The following C3 variants were observed in gnomAD, a reference collection of about 807,000 sequenced individuals.
The protein encoded by C3 is complement C3, also known as C3 and PZP-like alpha-2-macroglobulin domain-containing protein 1.
Under a neutral mutation model 207.9 loss-of-function variants are expected in C3, and 97 were observed. The ratio of observed to expected loss-of-function variants is 0.47; its 90% CI spans 0.40 to 0.55. The LOEUF is 0.55. Ranked by LOEUF, C3 falls within the 20% of genes least tolerant of loss-of-function variation. The probability of loss-of-function intolerance (pLI) is 0.00; values close to 1 mark genes in which losing one functional copy is unlikely to be tolerated. For missense variants in C3, 1,684 were observed against 2,171.7 expected (o/e 0.78, Z 4.46); for synonymous variants, 848 against 857.6 (o/e 0.99, Z 0.20).
intron 13 of C3, 119 bp downstream of exon 13, chr19:6,710,516 AAGAG>A (rs1179588888): frequency 1.2e-5 from 9 of 740,228 alleles, no homozygotes; most frequent in South Asian, 1.1e-4. Context: ...AGAGGAAGAG[AAGAG>A]AGAGAAAGGA....
chr19:6,699,874 A>G (rs1159130234), intron 19 of C3, among the ~76,000 whole-genome samples: 1 of 151,328 alleles, frequency 6.6e-6, no homozygotes, highest in Non-Finnish European at 1.5e-5. Context: ...TTTTGGGTAT[A>G]TTTAAATTAA....
At chr19:6,704,821 C>T (rs1176952558) in intron 17 of C3, among the ~76,000 whole-genome samples, 4 of 151,856 alleles carry the variant, frequency 2.6e-5, no homozygotes, top group Non-Finnish European at 4.4e-5. Flanking sequence ...TCGCTTGAAC[C>T]CATGAGGTGG....
chr19:6,682,962 A>G (rs1917901182), intron 33 of C3: 1 of 153,932 alleles, frequency 6.5e-6, no homozygotes, highest in South Asian at 2.0e-4. Context: ...GGAGTTATCA[A>G]AGAATAGCAG....
chr19:6,694,365 G>A (rs758779927), intron 24 of C3, 66 bp downstream of exon 24: 167 of 1,428,802 alleles, frequency 1.2e-4, no homozygotes, highest in Non-Finnish European at 1.5e-4. Flanking sequence ...GATGAGGTGG[G>A]ATCTTAGGGG....
chr19:6,682,352 G>A, intron 33 of C3, 123 bp from the exon 34 acceptor site: 2 of 744,862 alleles, frequency 2.7e-6, no homozygotes, highest in Non-Finnish European at 4.9e-6. Context: ...AGCACAGAGG[G>A]GCGTTACATT....
At position 6,682,213 on chromosome 19, in the gene C3, C is replaced by G. The variant is rs1317461446; in HGVS notation, c.4189G>C (p.Asp1397His). 2 of 1,613,864 alleles carry G rather than the reference C, an allele frequency of 1.2e-6. No homozygotes were observed. The highest frequency in any genetic ancestry group is 1.7e-6 in the Non-Finnish European group (2 of 1,179,730). The change falls in exon 34 of 41, where the codon GAT (aspartate) becomes CAT (histidine). Residue 1397 changes from aspartate (D) to histidine (H), a missense_variant. By Grantham distance (81) the Asp-to-His change is moderately conservative (BLOSUM62 -1). Coordinates refer to ENST00000245907, the MANE Select transcript of C3 (RefSeq NM_000064.4). ...EICTRYRGDQ[D>H]ATMSILDISM... ...ATGTCCAATATAGACATAGTGGCAT[C>G]CTGGTCTCCCCGGTACCTGGATAGT...
chr19:6,718,172 G>GAGACAAAGAGGCCTCGTGAGACCCT lies in C3; in HGVS notation c.434-33_434-9dup. 6.2e-7 allele frequency: 1 copy of GAGACAAAGAGGCCTCGTGAGACCCT among 1,614,198 alleles called. No homozygotes were observed. Among genetic ancestry groups the GAGACAAAGAGGCCTCGTGAGACCCT allele is most frequent in the Non-Finnish European group, 8.5e-7 (1 of 1,180,044 alleles). The stretch of plus-strand genomic sequence containing the variant: ...TGAAGATCCGATAGAGAACTGGGGA[G>GAGACAAAGAGGCCTCGTGAGACCCT]AGACAAAGAGGCCTCGTGAGACCCT... On this transcript the variant is annotated splice_polypyrimidine_tract_variant and intron_variant, in intron 3 of 40. Coordinates refer to ENST00000245907, the MANE Select transcript of C3 (RefSeq NM_000064.4).
At position 6,697,502 on chromosome 19, in the gene C3, T is replaced by C; in HGVS notation, c.2638A>G (p.Arg880Gly). The C allele has an allele frequency of 6.2e-7, 1 of 1,613,628 alleles. No individual in the cohort carries two copies. The change falls in exon 21 of 41, where the codon AGG becomes GGG. Residue 880 changes from arginine to glycine, a missense_variant. Coordinates refer to ENST00000245907, the MANE Select transcript of C3 (RefSeq NM_000064.4). The stretch of plus-strand genomic sequence containing the variant: ...ATGGTTACGGTCTGCTGGTGACGCC[T>C]CTTGGTGGTGGCCAGGCTGCAGAAG... ...PAFCSLATTK[R>G]RHQQTVTIPP...
At chr19:6,717,800 T>C (rs1263823179) in intron 4 of C3, 2 of 550,860 alleles carry the variant, frequency 3.6e-6, no homozygotes, top group Admixed American at 5.9e-5. Flanking sequence ...TTGTGTTGTG[T>C]GTGTTGTGTG....
chr19:6,684,418 T>G lies in C3; in HGVS notation c.4142A>C (p.Lys1381Thr). 6.2e-7 allele frequency: 1 copy of G among 1,614,052 alleles called. No homozygotes were observed. Residue 1381 changes from lysine (K) to threonine (T), a missense_variant, in exon 33 of 41, where the codon AAG becomes ACG. Coordinates refer to ENST00000245907, the MANE Select transcript of C3 (RefSeq NM_000064.4). The part of the protein sequence containing the change: ...PETEKRPQDA[K>T]NTMILEICTR... Reference sequence around the variant, plus strand: ...ACAGATCTCAAGGATCATAGTGTTCTTGGCATCCTGAGGCCTCTTTTCTAG... The same window carrying G: ...ACAGATCTCAAGGATCATAGTGTTCGTGGCATCCTGAGGCCTCTTTTCTAG...
intron 23 of C3, 26 bp from the exon 24 acceptor site, chr19:6,694,660 G>C: frequency 6.2e-7 from 1 of 1,602,572 alleles, no homozygotes; most frequent in Non-Finnish European, 8.5e-7. Context: ...AGAGGACGTT[G>C]CTCAAGCCAG....
chr19:6,709,570 CTGCTTTCAGCGCA>C (rs1967859585), intron 14 of C3, 101 bp downstream of exon 14: 1 of 1,205,050 alleles, frequency 8.3e-7, no homozygotes, highest in African/African-American at 1.5e-5. Flanking sequence ...GCTCCGATCT[CTGCTTTCAGCGCA>C]TGCCCCCCAC....
intron 27 of C3, among the ~76,000 whole-genome samples, chr19:6,688,651 T>C (rs891832465): frequency 1.3e-5 from 2 of 152,142 alleles, no homozygotes; most frequent in Non-Finnish European, 1.5e-5. Flanking sequence ...TCTTGAGTAG[T>C]TGGGATTACA....
chr19:6,712,169 T>G, intron 11 of C3, 88 bp downstream of exon 11: 2 of 1,526,726 alleles, frequency 1.3e-6, no homozygotes, highest in East Asian at 2.2e-5. Context: ...AATATCTGTA[T>G]GCAAATGACA....
At position 6,686,539 on chromosome 19, in the gene C3, C is replaced by A. The variant is rs1040131090; in HGVS notation, c.3646+207G>T. 18 of 737,838 alleles carry A rather than the reference C, an allele frequency of 2.4e-5. No individual in the cohort carries two copies. The Middle Eastern group carries it at 1.9e-3, about 79-fold the overall frequency. The allele number at this position is 737,838 out of a possible 1,614,324, so 45.7% of individuals were successfully genotyped here. ...GCAACAAACTTTCTCGTGTGGTTTA[C>A]AATGAGGACCTGCGAAAACTTAGAG... is the stretch of plus-strand genomic sequence containing the variant. On this transcript the variant is annotated intron_variant, in intron 28 of 40. Coordinates refer to ENST00000245907, the MANE Select transcript of C3 (RefSeq NM_000064.4).
intron 23 of C3, among the ~76,000 whole-genome samples, chr19:6,695,049 T>A (rs980752569): frequency 6.6e-6 from 1 of 151,852 alleles, no homozygotes; most frequent in African/African-American, 2.4e-5. Context: ...GGTGGGTGGA[T>A]CACCTGAGGT....
chr19:6,695,402 C>T (rs1324828361), intron 23 of C3, among the ~76,000 whole-genome samples: 1 of 152,174 alleles, frequency 6.6e-6, no homozygotes, highest in Non-Finnish European at 1.5e-5. Context: ...TTTCTTTCTC[C>T]AGTCTTCCCT....
chr19:6,679,963 TCA>T, intron 36 of C3, 193 bp downstream of exon 36: 2 of 590,588 alleles, frequency 3.4e-6, no homozygotes, highest in South Asian at 3.5e-5. Flanking sequence ...ACCATCATTC[TCA>T]GATCCCCTCA....
intron 23 of C3, 52 bp from the exon 24 acceptor site, chr19:6,694,686 T>C: frequency 6.5e-7 from 1 of 1,532,496 alleles, no homozygotes; most frequent in Non-Finnish European, 8.9e-7. Flanking sequence ...TGACCCACCT[T>C]GGGGTGGCGT....
Sources: gnomAD v4.1 joint callset for allele counts (sites outside exome capture counted in the v4.1 genomes callset) on GRCh38, gnomAD v4.1.1 for gene constraint, MANE v1.5 for transcripts, NCBI Gene and HGNC (gene_info 2026-07-23, HGNC 2026-07-21) for gene names.